The following CNTRL variants were observed in gnomAD, a reference collection of about 807,000 sequenced individuals.
The protein encoded by CNTRL is 110 kDa centrosomal protein.
CNTRL carries 233 observed loss-of-function variants against 303.7 expected under a neutral mutation model. The ratio of observed to expected loss-of-function variants is 0.77; its 90% confidence interval spans 0.69 to 0.86. CNTRL has a LOEUF of 0.86. Among genes scored for constraint, CNTRL ranks in the 40% least tolerant of loss-of-function variants. The pLI, the probability that CNTRL is intolerant of heterozygous loss-of-function variation, is 0.00. For synonymous variants in CNTRL, 900 were observed against 922.2 expected (o/e 0.98, Z 0.44); for missense variants, 2,524 against 2,650.6 (o/e 0.95, Z 1.05).
At chr9:121,161,834 A>G in intron 32 of CNTRL, 22 bp from the exon 33 acceptor site, 1 of 1,528,220 alleles carries the variant, frequency 6.5e-7, no homozygotes, top group Non-Finnish European at 9.1e-7. Context: ...ATCATGGACC[A>G]TGCTTTGTTT....
chr9:121,177,141 C>G, intron 43 of CNTRL, 22 bp from the exon 44 acceptor site: 1 of 1,602,462 alleles, frequency 6.2e-7, no homozygotes, highest in African/African-American at 1.3e-5. Context: ...TTTGATTTAT[C>G]CTTCCTTTTG....
At chr9:121,125,583 A>G (rs1386113648) in intron 13 of CNTRL, 133 bp from the exon 14 acceptor site, 34 of 752,494 alleles carry the variant, frequency 4.5e-5, no homozygotes, top group Non-Finnish European at 7.0e-5. Flanking sequence ...ATTTAACATT[A>G]TGTTTTGAAA....
chr9:121,164,728 A>G (rs570676202), intron 34 of CNTRL, among the ~76,000 whole-genome samples: 9 of 152,362 alleles, frequency 5.9e-5, no homozygotes, highest in African/African-American at 2.2e-4. Context: ...CATGATTTTT[A>G]TAAAACTTCA....
chr9:121,086,787 G>A (rs2048361733), intron 2 of CNTRL, among the ~76,000 whole-genome samples: 1 of 151,936 alleles, frequency 6.6e-6, no homozygotes. Flanking sequence ...CAAGTAGCTG[G>A]GATTACAGGT....
chr9:121,139,666 A>G (rs182242757), intron 16 of CNTRL, among the ~76,000 whole-genome samples: 1 of 152,286 alleles, frequency 6.6e-6, no homozygotes. Flanking sequence ...CATTTTTAGT[A>G]TAGAAATTTG....
In CNTRL at chr9:121,088,344, AC is replaced by A; in HGVS notation, c.19del (p.Gln7LysfsTer24). The A allele has an allele frequency of 6.2e-7, 1 of 1,612,774 alleles. No individual in the cohort carries two copies. Among genetic ancestry groups the A allele is most frequent in the Non-Finnish European group, 8.5e-7 (1 of 1,178,870 alleles). On this transcript the variant is annotated frameshift_variant, in exon 3 of 44. Transcript: ENST00000373855. LOFTEE classifies it high-confidence loss of function. MKKGSQ[Q>X]KIFSKAKIPS... ...TTCTTGCAATGAAGAAAGGTTCTCA[AC>A]AAAAAATATTCTCCAAAGCAAAGAT...
rs143116183 is a variant in CNTRL at position 121,170,974 on chromosome 9, A to C, written c.6277-434A>C. Among the ~76,000 whole-genome samples the C allele has an allele frequency of 2.2e-3, 339 of 152,072 alleles. 1 individual carries two copies. Among genetic ancestry groups the C allele is most frequent in the African/African-American group, 7.9e-3 (326 of 41,468 alleles). On this transcript the variant is annotated intron_variant, in intron 39 of 43. Transcript: ENST00000373855. ...TGTCAAGGGGGAGGATTTTTCCACT[A>C]CCCTCTGGAGGGGTTAGTGGAGCCC...
chr9:121,128,721 C>T (rs1379926863), intron 14 of CNTRL, among the ~76,000 whole-genome samples: 1 of 151,996 alleles, frequency 6.6e-6, no homozygotes. Context: ...TTGCCCATGC[C>T]TATGTCCTGA....
Position 121,080,493 on chromosome 9 carries a change from C to T in CNTRL, c.-32+15C>T, listed in dbSNP as rs1035354895. On this transcript the variant is annotated intron_variant, in intron 2 of 43. Coordinates refer to ENST00000373855, the MANE Select transcript of CNTRL (RefSeq NM_007018.6). Reference sequence around the variant, plus strand: ...CACAATATTTGGTGCGTGGTAAGCCCTCAGTAAATGTTAGCCACTAGTATG... The same window carrying T: ...CACAATATTTGGTGCGTGGTAAGCCTTCAGTAAATGTTAGCCACTAGTATG... The T allele has an allele frequency of 1.3e-5, 2 of 152,124 alleles. No homozygotes were observed. Among genetic ancestry groups the T allele is most frequent in the African/African-American group, 2.4e-5 (1 of 41,418 alleles). The allele number at this position is 152,124 out of a possible 1,614,324, so 9.4% of individuals were successfully genotyped here.
At chr9:121,149,316 T>C (rs2052071121) in intron 24 of CNTRL, among the ~76,000 whole-genome samples, 3 of 152,238 alleles carry the variant, frequency 2.0e-5, no homozygotes, top group Admixed American at 2.0e-4. Flanking sequence ...GGTCTTAGGC[T>C]AATTATTTAG....
At chr9:121,169,940 T>A in intron 39 of CNTRL, 124 bp downstream of exon 39, 1 of 781,876 alleles carries the variant, frequency 1.3e-6, no homozygotes, top group South Asian at 1.8e-5. Flanking sequence ...CAGCTGTTGT[T>A]ATTGATGTAT....
At chr9:121,108,279 A>G (rs1014712150) in intron 8 of CNTRL, among the ~76,000 whole-genome samples, 1 of 152,212 alleles carries the variant, frequency 6.6e-6, no homozygotes. Flanking sequence ...TTAGAAGGCG[A>G]TCTGGCAAAA....
chr9:121,171,571 T>C (rs775607238), intron 40 of CNTRL, 23 bp downstream of exon 40: 2 of 1,609,556 alleles, frequency 1.2e-6, no homozygotes, highest in East Asian at 2.2e-5. Context: ...AAAGCCCAGC[T>C]GGCCAGCCTG....
chr9:121,160,396 T>C, intron 32 of CNTRL, 94 bp downstream of exon 32: 4 of 930,404 alleles, frequency 4.3e-6, no homozygotes, highest in Non-Finnish European at 6.1e-6. Context: ...AAAAAAACTT[T>C]AAAGTTTAAC....
At chr9:121,116,914 C>G (rs1329771758) in intron 11 of CNTRL, among the ~76,000 whole-genome samples, 1 of 152,126 alleles carries the variant, frequency 6.6e-6, no homozygotes, top group Non-Finnish European at 1.5e-5. Context: ...GTAGAGGGAG[C>G]TATCAAGACG....
chr9:121,161,799 TA>T, intron 32 of CNTRL, 56 bp from the exon 33 acceptor site: 1 of 1,322,632 alleles, frequency 7.6e-7, no homozygotes, highest in Non-Finnish European at 1.1e-6. Context: ...TTTCATTTTG[TA>T]AATGTTTTCC....
chr9:121,162,308 C>T, intron 34 of CNTRL, 37 bp downstream of exon 34: 1 of 1,546,754 alleles, frequency 6.5e-7, no homozygotes, highest in Non-Finnish European at 8.9e-7. Flanking sequence ...AGGATCACTT[C>T]TTCAGGCCAA....
chr9:121,133,565 C>A (rs1225066679), intron 14 of CNTRL, among the ~76,000 whole-genome samples: 1 of 152,218 alleles, frequency 6.6e-6, no homozygotes, highest in Non-Finnish European at 1.5e-5. Flanking sequence ...TGTACGGCTT[C>A]CCTTGGCTAG....
At position 121,135,937 on chromosome 9, in the gene CNTRL, C is replaced by T. The variant is rs749052780; in HGVS notation, c.2157C>T (p.Ala719=). 22 of 1,613,186 alleles carry T rather than the reference C, an allele frequency of 1.4e-5. No individual in the cohort carries two copies. The highest frequency in any genetic ancestry group is 1.7e-5 in the Non-Finnish European group (20 of 1,179,408). The part of the protein sequence containing the change: ...EARLNLRDAE[A]NQLKEELEKV... ...GGCTAAACCTAAGGGATGCTGAAGCCAACCAGCTCAAGGAAGAGTTGGAAA... is the reference window on the plus strand; with the variant it reads ...GGCTAAACCTAAGGGATGCTGAAGCTAACCAGCTCAAGGAAGAGTTGGAAA... Residue 719 remains alanine (A), a synonymous_variant, in exon 15 of 44, where the codon GCC becomes GCT. Transcript: ENST00000373855.
Sources: allele counts gnomAD v4.1 joint callset (sites outside exome capture counted in the v4.1 genomes callset), GRCh38; gene constraint gnomAD v4.1.1; transcripts MANE v1.5; gene names NCBI Gene and HGNC (gene_info 2026-07-23, HGNC 2026-07-21).